Variants in TRMT44 observed in about 807,000 individuals in gnomAD.
TRMT44 encodes tRNA methyltransferase 44 homolog.
A neutral mutation model predicts 77.3 loss-of-function variants in TRMT44; 78 were observed. The ratio of observed to expected loss-of-function variants is 1.01; its 90% CI spans 0.84 to 1.22. The LOEUF (loss-of-function observed/expected upper bound fraction) is 1.22, where lower values mean the gene tolerates loss of function less well. Among genes scored for constraint, TRMT44 ranks in the 50% most tolerant of loss-of-function variants. The pLI is 0.00. For synonymous variants in TRMT44, 391 were observed against 383.3 expected, an observed-to-expected ratio of 1.02 and a Z score of -0.23; for missense variants, 1,090 against 964.4, an observed-to-expected ratio of 1.13 and a Z score of -1.73.
chr4:8,468,153 G>A lies in TRMT44; in HGVS notation c.1734G>A (p.Gly578=). 2 of 1,614,022 alleles carry A rather than the reference G, an allele frequency of 1.2e-6. No homozygotes were observed. The highest frequency in any genetic ancestry group is 4.5e-5 in the East Asian group (2 of 44,880). The part of the protein sequence containing the change: ...TRAWAAEHGA[G]PQAEGPWLPG... Reference sequence around the variant, plus strand: ...CCTGGGCCGCTGAGCATGGAGCAGGGCCCCAGGCTGAAGGACCCTGGCTAC... The same window carrying A: ...CCTGGGCCGCTGAGCATGGAGCAGGACCCCAGGCTGAAGGACCCTGGCTAC... The change falls in exon 9 of 11, where the codon GGG becomes GGA. Residue 578 remains glycine, a synonymous_variant. Transcript: ENST00000389737.
At chr4:8,460,255 C>T (rs1726062496) in intron 6 of TRMT44, among the ~76,000 whole-genome samples, 1 of 152,184 alleles carries the variant, frequency 6.6e-6, no homozygotes, top group South Asian at 2.1e-4. Flanking sequence ...GTGGCCTCTC[C>T]CTCTGGGTGT....
intron 6 of TRMT44, among the ~76,000 whole-genome samples, chr4:8,460,523 A>G (rs946177783): frequency 6.6e-6 from 1 of 152,018 alleles, no homozygotes; most frequent in African/African-American, 2.4e-5. Flanking sequence ...AATAAGTAGA[A>G]AAATATTCCA....
In TRMT44 at chr4:8,441,185, G is replaced by C; in HGVS notation, c.363G>C (p.Leu121=). The C allele has an allele frequency of 6.5e-7, 1 of 1,534,608 alleles. No individual in the cohort carries two copies. The highest frequency in any genetic ancestry group is 8.7e-7 in the Non-Finnish European group (1 of 1,146,088). ...EAQREAASVP[L]RDSGHPGHAE... ...AGAGGGAAGCCGCCTCAGTGCCCCT[G>C]AGGGACTCCGGGCACCCCGGCCATG... The change falls in exon 1 of 11, where the codon CTG becomes CTC. Residue 121 remains leucine (L), a synonymous_variant. Coordinates refer to ENST00000389737, the MANE Select transcript of TRMT44 (RefSeq NM_152544.3).
chr4:8,476,199 A>C lies in TRMT44; in HGVS notation c.*198A>C, dbSNP rs1241346945. 1.7e-6 allele frequency: 1 copy of C among 605,804 alleles called. No homozygotes were observed. The highest frequency in any genetic ancestry group is 2.9e-6 in the Non-Finnish European group (1 of 344,398). 37.5% of individuals were successfully genotyped at this position (605,804 alleles called of 1,614,324 possible). A position where few individuals can be genotyped will look rare whatever the true frequency, so the allele number is the denominator to read the frequency against. ...AAGCCACAGTTACTCGGAAGCCCCC[A>C]GCTGACTGCCTGGCTTGTTTCAGAT... On this transcript the variant is annotated 3_prime_UTR_variant, in exon 11 of 11. Coordinates refer to ENST00000389737, the MANE Select transcript of TRMT44 (RefSeq NM_152544.3).
chr4:8,466,225 C>T (rs947677489), intron 8 of TRMT44, among the ~76,000 whole-genome samples: 3 of 152,258 alleles, frequency 2.0e-5, no homozygotes, highest in African/African-American at 4.8e-5. Flanking sequence ...ATAACCCCGT[C>T]GTGTCCAGGC....
At chr4:8,488,199 G>A (rs1446355197) in intron 2 of TRMT44, among the ~76,000 whole-genome samples, 1 of 152,204 alleles carries the variant, frequency 6.6e-6, no homozygotes, top group Non-Finnish European at 1.5e-5. Context: ...GGAGCAAAGA[G>A]CAGGAGGACA....
rs143626673 is a variant in TRMT44, at chr4:8,444,896, T to A, written c.620-1580T>A. On this transcript the variant is annotated intron_variant, in intron 1 of 10. Coordinates refer to ENST00000389737, the MANE Select transcript of TRMT44 (RefSeq NM_152544.3). The surrounding 1 kb of genome is among the most constrained non-coding windows in gnomAD (Gnocchi z 4.0). The stretch of plus-strand genomic sequence containing the variant: ...ACAAAAATGAAAAATTTAAAAATTT[T>A]AAAAATCGAAATTTATCATTGTGTA... Among the ~76,000 whole-genome samples, 100 of 152,344 alleles carry A rather than the reference T, an allele frequency of 6.6e-4. No homozygotes were observed. The highest frequency in any genetic ancestry group is 1.9e-3 in the African/African-American group (80 of 41,584).
chr4:8,461,749 A>G lies in TRMT44; in HGVS notation c.1204-2236A>G, dbSNP rs16842305. ...GTGCTAAAATAGCCATGTTTATTCT[A>G]GTGTTAAATAAATGCCAGGAGTTCT... is the stretch of plus-strand genomic sequence containing the variant. On this transcript the variant is annotated intron_variant, in intron 6 of 10. Transcript: ENST00000389737. The surrounding 1 kb of genome is among the most constrained non-coding windows in gnomAD (Gnocchi z 4.6). Among the ~76,000 whole-genome samples the G allele has an allele frequency of 0.026, 3,974 of 152,156 alleles. 92 individuals carry two copies. The highest frequency in any genetic ancestry group is 0.066 in the African/African-American group (2,736 of 41,484).
At chr4:8,447,265 G>A (rs940136) in intron 2 of TRMT44, among the ~76,000 whole-genome samples, 107,909 of 152,148 alleles carry the variant, frequency 0.71, 39,113 homozygotes, top group African/African-American at 0.86. Context: ...ATAAAGTAGC[G>A]GTTTAATAAG....
the TRMT44 span, among the ~76,000 whole-genome samples, chr4:8,516,840 G>A: frequency 2.6e-5 from 4 of 152,206 alleles, no homozygotes; most frequent in East Asian, 7.7e-4. Context: ...ATCAGAGAGG[G>A]TTGTTAGAGT....
chr4:8,511,415 C>T, the TRMT44 span, among the ~76,000 whole-genome samples: 1 of 152,144 alleles, frequency 6.6e-6, no homozygotes, highest in African/African-American at 2.4e-5. Flanking sequence ...ACCTCTTAAT[C>T]TCTAAAACCT....
rs897864307 is a variant in TRMT44 at position 8,475,846 on chromosome 4, C to T, written c.2119C>T (p.Gln707Ter). The change falls in exon 11 of 11, where the codon CAG (glutamine) becomes TAG (stop). Residue 707 changes from glutamine to a stop codon, truncating the protein, a stop_gained. Coordinates refer to ENST00000389737, the MANE Select transcript of TRMT44 (RefSeq NM_152544.3). LOFTEE classifies it low-confidence loss of function (END_TRUNC). ...LWKTKQPEAK[Q>*]RLLSEACKTR... Reference sequence around the variant, plus strand: ...GAAGACAAAGCAACCGGAAGCGAAACAGAGACTGCTCTCTGAAGCCTGCAA... The same window carrying T: ...GAAGACAAAGCAACCGGAAGCGAAATAGAGACTGCTCTCTGAAGCCTGCAA... 3 of 1,614,200 alleles carry T rather than the reference C, an allele frequency of 1.9e-6. No individual in the cohort carries two copies. The highest frequency in any genetic ancestry group is 2.5e-6 in the Non-Finnish European group (3 of 1,180,048).
Position 8,461,201 on chromosome 4 carries a change from T to A in TRMT44, c.1204-2784T>A, listed in dbSNP as rs1218661106. Among the ~76,000 whole-genome samples the A allele has an allele frequency of 6.6e-6, 1 of 152,176 alleles. No homozygotes were observed. The highest frequency in any genetic ancestry group is 2.4e-5 in the African/African-American group (1 of 41,450). On this transcript the variant is annotated intron_variant, in intron 6 of 10. Transcript: ENST00000389737. This position sits in a 1 kb window ranked among gnomAD's most constrained non-coding sequence, Gnocchi z 4.6. The stretch of plus-strand genomic sequence containing the variant: ...ACTCTTTGCTTTGTTTTACAGTGAT[T>A]GGCAGTTGCTTGTCCACTCATACAT...
chr4:8,514,251 C>CTTTTTT, the TRMT44 span, among the ~76,000 whole-genome samples: 2 of 114,282 alleles, frequency 1.8e-5, no homozygotes, highest in Admixed American at 9.6e-5. Context: ...GGGCTCTGAT[C>CTTTTTT]TTTTTTTTTT....
At chr4:8,464,665 C>T (rs977347341) in intron 7 of TRMT44, among the ~76,000 whole-genome samples, 13 of 152,316 alleles carry the variant, frequency 8.5e-5, no homozygotes, top group African/African-American at 2.6e-4. Flanking sequence ...GCTCAGGCTT[C>T]GTTGTGCTTC....
At chr4:8,471,562 T>A (rs1560240218) in intron 10 of TRMT44, among the ~76,000 whole-genome samples, 1 of 152,240 alleles carries the variant, frequency 6.6e-6, no homozygotes, top group East Asian at 1.9e-4. Context: ...GCGTCATCTT[T>A]AGCTGCTGCA....
the TRMT44 span, among the ~76,000 whole-genome samples, chr4:8,502,947 A>G: frequency 6.6e-6 from 1 of 152,220 alleles, no homozygotes; most frequent in African/African-American, 2.4e-5. Flanking sequence ...AACACACAAC[A>G]GACACAGGCA....
downstream of TRMT44, among the ~76,000 whole-genome samples, chr4:8,480,044 C>G (rs1579094056): frequency 6.6e-6 from 1 of 152,192 alleles, no homozygotes; most frequent in East Asian, 1.9e-4. Context: ...CCATGTTGCC[C>G]AGGCTGGTCT....
intron 10 of TRMT44, among the ~76,000 whole-genome samples, chr4:8,471,631 C>T (rs1051318683): frequency 8.5e-5 from 13 of 152,206 alleles, no homozygotes; most frequent in Non-Finnish European, 1.6e-4. Flanking sequence ...TGAGCCCTGC[C>T]CCACAGGCGG....
Sources: allele counts gnomAD v4.1 joint callset (sites outside exome capture counted in the v4.1 genomes callset), GRCh38; gene constraint gnomAD v4.1.1; non-coding constraint Gnocchi (gnomAD v3.1); transcripts MANE v1.5; gene names NCBI Gene and HGNC (gene_info 2026-07-23, HGNC 2026-07-21).